CSMD3: variants seen among roughly 807,000 people sequenced by gnomAD.
CSMD3 encodes the protein CUB and sushi domain-containing protein 3.
In CSMD3, 177 loss-of-function variants were observed where a neutral mutation model predicts 435.2. That is an observed-to-expected ratio of 0.41 (90% confidence interval 0.36 to 0.46). The LOEUF is 0.46. Among genes scored for constraint, CSMD3 ranks in the 20% least tolerant of loss-of-function variants. The pLI is 0.34. For synonymous variants in CSMD3, 1,656 were observed against 1,520.5 expected (o/e 1.09, Z -2.07); for missense variants, 4,265 against 4,504.6 (o/e 0.95, Z 1.52).
At chr8:112,493,292 T>C (rs1425211208) in intron 30 of CSMD3, among the ~76,000 whole-genome samples, 1 of 152,130 alleles carries the variant, frequency 6.6e-6, no homozygotes, top group Non-Finnish European at 1.5e-5. Flanking sequence ...TAATAATCCA[T>C]GTGTAGGTAC....
intron 16 of CSMD3, among the ~76,000 whole-genome samples, chr8:112,679,657 T>C (rs745869030): frequency 3.7e-4 from 56 of 152,336 alleles, no homozygotes; most frequent in Middle Eastern, 3.4e-3. Flanking sequence ...TAGTGATTCA[T>C]TAAATTACTG....
intron 5 of CSMD3, among the ~76,000 whole-genome samples, chr8:113,059,995 A>AT (rs11440141): frequency 0.45 from 65,712 of 145,302 alleles, 16,561 homozygotes; most frequent in East Asian, 0.86. Flanking sequence ...TTATTTATTT[A>AT]TTTTTTTTTT....
intron 5 of CSMD3, 147 bp downstream of exon 5, chr8:113,098,609 T>A: frequency 1.6e-6 from 1 of 626,238 alleles, no homozygotes. Flanking sequence ...TTCAAAAATA[T>A]CCTTCAGCTC....
At chr8:112,943,557 A>G (rs2083515863) in intron 9 of CSMD3, among the ~76,000 whole-genome samples, 1 of 151,672 alleles carries the variant, frequency 6.6e-6, no homozygotes, top group Admixed American at 6.6e-5. Flanking sequence ...AAAGGGCCCA[A>G]GAAAAGATAT....
intron 9 of CSMD3, among the ~76,000 whole-genome samples, chr8:112,930,708 G>A (rs1442301486): frequency 6.6e-6 from 1 of 152,022 alleles, no homozygotes; most frequent in East Asian, 1.9e-4. Context: ...ACCAGTTAAT[G>A]TCATAGAAAT....
chr8:113,288,874 T>C (rs2132516481), intron 2 of CSMD3, among the ~76,000 whole-genome samples: 1 of 151,966 alleles, frequency 6.6e-6, no homozygotes, highest in East Asian at 1.9e-4. Context: ...CCCATAGTTA[T>C]GTTGGGAGAT....
intron 1 of CSMD3, among the ~76,000 whole-genome samples, chr8:113,330,338 A>T (rs1279077555): frequency 6.6e-6 from 1 of 151,790 alleles, no homozygotes; most frequent in Non-Finnish European, 1.5e-5. Flanking sequence ...ACAACAGAGG[A>T]ATTAAAATTG....
At chr8:112,823,752 A>G (rs1321798996) in intron 12 of CSMD3, among the ~76,000 whole-genome samples, 1 of 152,144 alleles carries the variant, frequency 6.6e-6, no homozygotes, top group Admixed American at 6.6e-5. Flanking sequence ...TATGTGGTCA[A>G]TTTTAGAATA....
chr8:112,947,655 T>G (rs2083659733), intron 9 of CSMD3, 135 bp downstream of exon 9: 1 of 530,516 alleles, frequency 1.9e-6, no homozygotes, highest in Non-Finnish European at 3.3e-6. Flanking sequence ...TTAGATATTA[T>G]TAATAACAAT....
intron 7 of CSMD3, among the ~76,000 whole-genome samples, chr8:112,960,870 C>T (rs2084200962): frequency 1.3e-5 from 2 of 151,374 alleles, no homozygotes; most frequent in South Asian, 4.2e-4. Flanking sequence ...ATGTACTCTC[C>T]ATTTAAAAAA....
chr8:113,040,751 T>C (rs771724081), intron 5 of CSMD3, among the ~76,000 whole-genome samples: 9 of 152,098 alleles, frequency 5.9e-5, no homozygotes, highest in Non-Finnish European at 1.3e-4. Context: ...TGATATCAAA[T>C]ACACAGGTGG....
chr8:112,637,442 C>T (rs2074694001), intron 21 of CSMD3, among the ~76,000 whole-genome samples: 2 of 152,090 alleles, frequency 1.3e-5, no homozygotes. Flanking sequence ...AAAGGCCCTT[C>T]TGCTTCTTGT....
rs752459587 is a variant in CSMD3 at position 113,044,697 on chromosome 8, CAT to C, written c.918-25520_918-25519del. On this transcript the variant is annotated intron_variant, in intron 5 of 70. Coordinates refer to ENST00000297405, the MANE Select transcript of CSMD3 (RefSeq NM_198123.2). ...AATATATCAACATAAATGTGGCCCACATGTTACCAAAGTTTAAAAACCACTAA... is the reference window on the plus strand; with the variant it reads ...AATATATCAACATAAATGTGGCCCACGTTACCAAAGTTTAAAAACCACTAA... Among the ~76,000 whole-genome samples, 16 of 149,200 alleles carry C rather than the reference CAT, an allele frequency of 1.1e-4. 1 individual carries two copies. The highest frequency in any genetic ancestry group is 1.1e-3 in the South Asian group (5 of 4,720).
At chr8:113,334,937 T>C (rs1285854100) in intron 1 of CSMD3, among the ~76,000 whole-genome samples, 10 of 152,054 alleles carry the variant, frequency 6.6e-5, no homozygotes, top group Non-Finnish European at 1.5e-4. Context: ...ATATTGGCCA[T>C]ACGGTTTGGA....
At chr8:113,248,847 C>A (rs1345273866) in intron 3 of CSMD3, among the ~76,000 whole-genome samples, 1 of 151,558 alleles carries the variant, frequency 6.6e-6, no homozygotes, top group East Asian at 1.9e-4. Context: ...TTTCTAAAAA[C>A]AGCTTAATTT....
intron 59 of CSMD3, among the ~76,000 whole-genome samples, chr8:112,280,334 A>G (rs1563730983): frequency 6.6e-6 from 1 of 152,018 alleles, no homozygotes; most frequent in Admixed American, 6.6e-5. Context: ...GCAGTGTTAC[A>G]TTCGGAGTTC....
intron 5 of CSMD3, among the ~76,000 whole-genome samples, chr8:113,079,580 C>G (rs1028804660): frequency 8.6e-5 from 13 of 151,966 alleles, no homozygotes; most frequent in Non-Finnish European, 1.5e-5. Context: ...AAAATGAAGA[C>G]TTTTTGAGTG....
At chr8:112,651,502 C>T (rs2075125086) in intron 18 of CSMD3, among the ~76,000 whole-genome samples, 2 of 151,184 alleles carry the variant, frequency 1.3e-5, no homozygotes, top group South Asian at 4.2e-4. Context: ...CTAAGTTCCT[C>T]TTCTAAGTGT....
At chr8:113,353,178 A>G (rs1016614046) in intron 1 of CSMD3, among the ~76,000 whole-genome samples, 2 of 152,192 alleles carry the variant, frequency 1.3e-5, no homozygotes, top group African/African-American at 4.8e-5. Flanking sequence ...ATGATACATC[A>G]AATCTCTGCA....
Sources: allele counts gnomAD v4.1 joint callset (sites outside exome capture counted in the v4.1 genomes callset), GRCh38; gene constraint gnomAD v4.1.1; transcripts MANE v1.5; gene names NCBI Gene and HGNC (gene_info 2026-07-23, HGNC 2026-07-21).